Variants in FUT9 observed in about 807,000 individuals in gnomAD.
FUT9 encodes the protein fucosyltransferase 9.
FUT9 carries 15 observed loss-of-function variants against 29.7 expected under a neutral mutation model. That is an observed-to-expected ratio of 0.51 (90% CI 0.34 to 0.78). FUT9 has a LOEUF of 0.78. FUT9 is among the 30% of genes least tolerant of loss of function. FUT9 has a pLI of 0.01. For missense variants in FUT9, 319 were observed against 425.4 expected, an observed-to-expected ratio of 0.75 and a Z score of 2.20; for synonymous variants, 169 against 153.7, an observed-to-expected ratio of 1.10 and a Z score of -0.74.
At chr6:96,177,613 C>T (rs2127984946) in intron 2 of FUT9, among the ~76,000 whole-genome samples, 1 of 152,248 alleles carries the variant, frequency 6.6e-6, no homozygotes, top group South Asian at 2.1e-4. Flanking sequence ...TGTGTTCCAG[C>T]CCCAAAGCCT....
At chr6:96,077,079 C>A (rs1771151807) in intron 1 of FUT9, among the ~76,000 whole-genome samples, 1 of 152,154 alleles carries the variant, frequency 6.6e-6, no homozygotes. Context: ...ATTGACACCT[C>A]AGAGACACAA....
chr6:96,025,073 T>C (rs1770140227), intron 1 of FUT9, among the ~76,000 whole-genome samples: 1 of 151,814 alleles, frequency 6.6e-6, no homozygotes, highest in Non-Finnish European at 1.5e-5. Context: ...ACCCCCTCCT[T>C]TCCATTGTGA....
rs1357215490 is a variant in FUT9, at chr6:96,203,882, T to G, written c.727T>G (p.Ser243Ala). The change falls in exon 3 of 3, where the codon TCC becomes GCC. Residue 243 changes from serine (S) to alanine (A), a missense_variant. Ser to Ala is a moderately conservative substitution (Grantham distance 99, BLOSUM62 1). Coordinates refer to ENST00000302103, the MANE Select transcript of FUT9 (RefSeq NM_006581.4). ...PTISTCKFYL[S>A]FENSIHKDYI... ...CATATCTACTTGTAAATTTTATCTT[T>G]CCTTTGAAAATTCAATCCACAAGGA... 1.2e-6 allele frequency: 2 copies of G among 1,612,320 alleles called. No individual in the cohort carries two copies. Among genetic ancestry groups the G allele is most frequent in the Non-Finnish European group, 1.7e-6 (2 of 1,178,718 alleles).
intron 1 of FUT9, among the ~76,000 whole-genome samples, chr6:96,068,686 T>C (rs559280320): frequency 9.9e-4 from 151 of 152,314 alleles, no homozygotes; most frequent in African/African-American, 3.5e-3. Context: ...AAGCTGTTAC[T>C]AGAGAAACGA....
intron 2 of FUT9, among the ~76,000 whole-genome samples, chr6:96,177,976 T>C (rs1242208970): frequency 6.6e-6 from 1 of 152,176 alleles, no homozygotes; most frequent in African/African-American, 2.4e-5. Flanking sequence ...AGGCAGCCTT[T>C]GTTTGCTCAT....
chr6:96,179,563 G>A lies in FUT9; in HGVS notation c.-8-23585G>A, dbSNP rs556839534. ...TTTTTTGCTTATGCATTATTTAAGAGGGATACTATTCAAAACACTATGTTA... is the reference window on the plus strand; with the variant it reads ...TTTTTTGCTTATGCATTATTTAAGAAGGATACTATTCAAAACACTATGTTA... On this transcript the variant is annotated intron_variant, in intron 2 of 2. Transcript: ENST00000302103. Among the ~76,000 whole-genome samples, 5 of 152,128 alleles carry A rather than the reference G, an allele frequency of 3.3e-5. No individual in the cohort carries two copies. In the East Asian group the frequency reaches 9.6e-4, roughly 29 times the overall value.
At chr6:96,082,277 T>C (rs1771249788) in intron 1 of FUT9, among the ~76,000 whole-genome samples, 1 of 151,874 alleles carries the variant, frequency 6.6e-6, no homozygotes, top group Non-Finnish European at 1.5e-5. Context: ...CTAAAGCTTT[T>C]AAAATTTGCC....
At chr6:96,021,192 C>T (rs1770062306) in intron 1 of FUT9, among the ~76,000 whole-genome samples, 1 of 151,930 alleles carries the variant, frequency 6.6e-6, no homozygotes, top group South Asian at 2.1e-4. Flanking sequence ...GGCTTGACAA[C>T]AAAAATTATT....
At chr6:96,063,050 G>T (rs557966688) in intron 1 of FUT9, among the ~76,000 whole-genome samples, 1 of 152,104 alleles carries the variant, frequency 6.6e-6, no homozygotes, top group African/African-American at 2.4e-5. Context: ...AAACCTCCTC[G>T]TAAATGAACT....
At chr6:96,109,555 A>G (rs1327113843) in intron 1 of FUT9, among the ~76,000 whole-genome samples, 1 of 152,204 alleles carries the variant, frequency 6.6e-6, no homozygotes, top group African/African-American at 2.4e-5. Context: ...TCAATGATGC[A>G]TTTGTGTTTG....
At chr6:96,184,971 CT>C (rs1409755733) in intron 2 of FUT9, among the ~76,000 whole-genome samples, 3 of 150,982 alleles carry the variant, frequency 2.0e-5, no homozygotes, top group South Asian at 2.1e-4. Context: ...GATAGAAATG[CT>C]TTTTTTTTAA....
chr6:96,047,964 T>C (rs1010323302), intron 1 of FUT9, among the ~76,000 whole-genome samples: 8 of 152,226 alleles, frequency 5.3e-5, no homozygotes, highest in African/African-American at 1.9e-4. Flanking sequence ...ATCAAGATGT[T>C]AGCAGAGTTA....
At chr6:96,166,118 G>C (rs541445128) in intron 2 of FUT9, among the ~76,000 whole-genome samples, 113 of 151,522 alleles carry the variant, frequency 7.5e-4, no homozygotes, top group African/African-American at 2.6e-3. Flanking sequence ...AAGAGAGAGA[G>C]AGAGCACACA....
chr6:96,087,099 C>A (rs117195444), intron 1 of FUT9, among the ~76,000 whole-genome samples: 5 of 152,082 alleles, frequency 3.3e-5, no homozygotes, highest in African/African-American at 1.2e-4. Flanking sequence ...TTTTAAAAAT[C>A]TAGACCTGGT....
At chr6:96,150,086 C>A in intron 2 of FUT9, among the ~76,000 whole-genome samples, 1 of 152,052 alleles carries the variant, frequency 6.6e-6, no homozygotes, top group East Asian at 1.9e-4. Context: ...TAAACTCTGC[C>A]TACCTGGGTC....
At chr6:96,116,854 G>A (rs1357623036) in intron 2 of FUT9, among the ~76,000 whole-genome samples, 1 of 151,992 alleles carries the variant, frequency 6.6e-6, no homozygotes, top group Non-Finnish European at 1.5e-5. Context: ...TTTTAAAGGG[G>A]GGTGGAACTG....
chr6:96,120,452 T>A (rs1377009300), intron 2 of FUT9, among the ~76,000 whole-genome samples: 1 of 150,924 alleles, frequency 6.6e-6, no homozygotes, highest in Non-Finnish European at 1.5e-5. Flanking sequence ...TTTTTAATTT[T>A]TTTTTTAATT....
chr6:96,016,635 C>T (rs950089063), intron 1 of FUT9, among the ~76,000 whole-genome samples: 26 of 152,306 alleles, frequency 1.7e-4, no homozygotes, highest in Non-Finnish European at 3.2e-4. Context: ...CAAAGTCCTC[C>T]CTGACCCACC....
At chr6:96,036,209 T>C (rs1446528901) in intron 1 of FUT9, among the ~76,000 whole-genome samples, 1 of 150,504 alleles carries the variant, frequency 6.6e-6, no homozygotes, top group Non-Finnish European at 1.5e-5. Flanking sequence ...AGATTCTATA[T>C]AAATACTAAA....
Sources: allele counts gnomAD v4.1 joint callset (sites outside exome capture counted in the v4.1 genomes callset), GRCh38; gene constraint gnomAD v4.1.1; transcripts MANE v1.5; gene names NCBI Gene and HGNC (gene_info 2026-07-23, HGNC 2026-07-21).